The following BLTP1 variants were observed in gnomAD, a reference collection of about 807,000 sequenced individuals.
BLTP1 encodes bridge-like lipid transfer protein family member 1, also known as fragile site-associated protein.
At chr4:122,238,411 C>T in the BLTP1 span, 1 of 1,458,634 alleles carries the variant, frequency 6.9e-7, no homozygotes, top group East Asian at 2.3e-5. Flanking sequence ...GTTTAAAATT[C>T]TGGCAAGAAA....
At chr4:122,244,753 A>G in the BLTP1 span, 1 of 478,376 alleles carries the variant, frequency 2.1e-6, no homozygotes, top group Non-Finnish European at 2.7e-6. Context: ...TGAAGAACAC[A>G]GGAAATCTTC....
the BLTP1 span, chr4:122,274,719 T>G: frequency 1.4e-6 from 1 of 714,086 alleles, no homozygotes; most frequent in African/African-American, 1.9e-5. Flanking sequence ...TTTTCAGAAT[T>G]TGCTCTTTCT....
the BLTP1 span, chr4:122,346,126 T>C: frequency 5.0e-6 from 2 of 399,970 alleles, no homozygotes; most frequent in African/African-American, 4.3e-5. Context: ...GGTAGAAGAA[T>C]AGAAGAGCAC....
At chr4:122,359,819 T>C in the BLTP1 span, 2 of 1,470,996 alleles carry the variant, frequency 1.4e-6, no homozygotes, top group East Asian at 2.4e-5. Flanking sequence ...TCAAAAAATA[T>C]ATTCAGAAGT....
the BLTP1 span, among the ~76,000 whole-genome samples, chr4:122,319,123 G>A: frequency 6.6e-6 from 1 of 151,814 alleles, no homozygotes; most frequent in Admixed American, 6.6e-5. Flanking sequence ...TTTTTTCTTA[G>A]TTGTCCTGGC....
the BLTP1 span, chr4:122,238,397 A>G: frequency 6.6e-7 from 1 of 1,505,264 alleles, no homozygotes; most frequent in Non-Finnish European, 9.1e-7. Flanking sequence ...ATAGGATTAT[A>G]ATTGTTTAAA....
At chr4:122,215,834 A>ACC in the BLTP1 span, among the ~76,000 whole-genome samples, 3 of 146,164 alleles carry the variant, frequency 2.1e-5, no homozygotes, top group African/African-American at 7.7e-5. Flanking sequence ...TTTATCCCTC[A>ACC]CCCCCCCCAT....
At chr4:122,359,087 A>G in the BLTP1 span, among the ~76,000 whole-genome samples, 1 of 151,548 alleles carries the variant, frequency 6.6e-6, no homozygotes, top group African/African-American at 2.4e-5. Flanking sequence ...TAAAAAAAAA[A>G]ACAAAAAAGG....
chr4:122,263,399 T>G, the BLTP1 span: 1 of 1,503,594 alleles, frequency 6.7e-7, no homozygotes, highest in South Asian at 1.4e-5. Context: ...TTTTGCTCCT[T>G]AGTATATAAA....
At chr4:122,282,239 G>A in the BLTP1 span, 2 of 236,012 alleles carry the variant, frequency 8.5e-6, no homozygotes, top group African/African-American at 4.7e-5. Flanking sequence ...AATATATCAT[G>A]TATACAAAGC....
the BLTP1 span, among the ~76,000 whole-genome samples, chr4:122,195,409 A>G: frequency 6.6e-6 from 1 of 151,496 alleles, no homozygotes; most frequent in South Asian, 2.1e-4. Flanking sequence ...TAATAATACA[A>G]ACCTTCCTAA....
At chr4:122,226,865 T>C in the BLTP1 span, 4 of 1,520,536 alleles carry the variant, frequency 2.6e-6, no homozygotes, top group Non-Finnish European at 3.6e-6. Flanking sequence ...AGCAATATTA[T>C]AAACATTTAT....
chr4:122,170,505 A>T, the BLTP1 span: 2 of 1,322,778 alleles, frequency 1.5e-6, no homozygotes, highest in Non-Finnish European at 2.0e-6. Context: ...GGAAACAGAA[A>T]GGTGATTTAA....
chr4:122,282,177 C>A, the BLTP1 span: 1 of 615,510 alleles, frequency 1.6e-6, no homozygotes, highest in Non-Finnish European at 2.0e-6. Flanking sequence ...GGTTTTGTGA[C>A]CCTTATATTA....
At chr4:122,239,139 T>C in the BLTP1 span, among the ~76,000 whole-genome samples, 1 of 152,176 alleles carries the variant, frequency 6.6e-6, no homozygotes, top group African/African-American at 2.4e-5. Context: ...GGGTTATGTA[T>C]AACTTCTTCC....
chr4:122,306,089 G>A, the BLTP1 span: 7 of 1,532,136 alleles, frequency 4.6e-6, no homozygotes, highest in African/African-American at 1.4e-5. Context: ...ATCTAGGAAT[G>A]CTTTGTTAAT....
At chr4:122,301,291 T>A in the BLTP1 span, 5 of 1,570,242 alleles carry the variant, frequency 3.2e-6, no homozygotes, top group Non-Finnish European at 4.3e-6. Flanking sequence ...GAACTCTTCT[T>A]TCCTTTAGGT....
chr4:122,282,060 A>G, the BLTP1 span: 1 of 977,962 alleles, frequency 1.0e-6, no homozygotes, highest in Non-Finnish European at 1.2e-6. Flanking sequence ...CCATTTCTAC[A>G]TCTATTAAGT....
chr4:122,357,747 A>G, the BLTP1 span, among the ~76,000 whole-genome samples: 7 of 152,220 alleles, frequency 4.6e-5, no homozygotes, highest in African/African-American at 1.7e-4. Context: ...ATACAATGGT[A>G]AAATCACATA....
Sources: allele counts gnomAD v4.1 joint callset (sites outside exome capture counted in the v4.1 genomes callset), GRCh38; gene constraint gnomAD v4.1.1; transcripts MANE v1.5; gene names NCBI Gene and HGNC (gene_info 2026-07-23, HGNC 2026-07-21).